RABL2B: variants seen among roughly 807,000 people sequenced by gnomAD.
RABL2B encodes rab-like protein 2B.
Under a neutral mutation model 26.7 loss-of-function variants are expected in RABL2B, and 17 were observed. The ratio of observed to expected loss-of-function variants is 0.64; its 90% CI spans 0.44 to 0.95. The LOEUF (loss-of-function observed/expected upper bound fraction) is 0.95, where lower values mean the gene tolerates loss of function less well. Among genes scored for constraint, RABL2B ranks in the 40% least tolerant of loss-of-function variants. RABL2B has a pLI of 0.00. For missense variants in RABL2B, 170 were observed against 277.2 expected (o/e 0.61, Z 2.75); for synonymous variants, 70 against 103.9 (o/e 0.67, Z 1.99).
At chr22:50,778,648 C>T (rs1357474393) in intron 2 of RABL2B, among the ~76,000 whole-genome samples, 3 of 151,186 alleles carry the variant, frequency 2.0e-5, no homozygotes, top group Admixed American at 6.6e-5. Context: ...TTTCTTTTCT[C>T]TCCCTCTGTT....
chr22:50,782,516 T>C (rs2086056373), intron 1 of RABL2B, among the ~76,000 whole-genome samples, 169 bp from the exon 2 acceptor site: 1 of 152,228 alleles, frequency 6.6e-6, no homozygotes. Flanking sequence ...ATCAATAATA[T>C]GTTATACACA....
At chr22:50,779,958 G>T (rs2085546157) in intron 2 of RABL2B, among the ~76,000 whole-genome samples, 1 of 152,156 alleles carries the variant, frequency 6.6e-6, no homozygotes, top group Admixed American at 6.5e-5. Context: ...TGCAGCCTGG[G>T]TGACAGAGCA....
intron 3 of RABL2B, among the ~76,000 whole-genome samples, chr22:50,777,146 A>G (rs1471518676): frequency 1.2e-4 from 18 of 152,260 alleles, no homozygotes; most frequent in African/African-American, 3.9e-4. Flanking sequence ...TTCCAGGGAC[A>G]AAAGCTCCCA....
In RABL2B at chr22:50,769,455, C is replaced by T; in HGVS notation, c.507G>A (p.Lys169=). The T allele has an allele frequency of 1.2e-6, 2 of 1,612,082 alleles. No individual in the cohort carries two copies. The highest frequency in any genetic ancestry group is 1.7e-6 in the Non-Finnish European group (2 of 1,179,074). ...TAGCTACCTCTGCAGTCAACCACAC[C>T]TTCACAACATTGGTACCATCAGCAG... ...VSAADGTNVV[K]LFNDAIRLAV... The change falls in exon 7 of 9, where the codon AAG becomes AAA. Residue 169 remains lysine, a splice_region_variant and synonymous_variant. Transcript: ENST00000691320.
At chr22:50,777,483 G>A (rs1411055836) in intron 3 of RABL2B, among the ~76,000 whole-genome samples, 3 of 141,892 alleles carry the variant, frequency 2.1e-5, no homozygotes, top group East Asian at 2.0e-4. Context: ...CAGTTGCGGG[G>A]AGGAACTCAC....
At chr22:50,780,968 A>T (rs1212148644) in intron 2 of RABL2B, among the ~76,000 whole-genome samples, 1 of 152,128 alleles carries the variant, frequency 6.6e-6, no homozygotes, top group Non-Finnish European at 1.5e-5. Context: ...TTTATTGGGT[A>T]ACCTTCCCAA....
chr22:50,772,848 T>A, intron 5 of RABL2B: 1 of 1,182,112 alleles, frequency 8.5e-7, no homozygotes, highest in South Asian at 1.7e-5. Context: ...TTTTGAGAGC[T>A]GAGGAGGAGC....
chr22:50,776,065 G>A (rs1381422653), intron 4 of RABL2B, among the ~76,000 whole-genome samples: 2 of 152,162 alleles, frequency 1.3e-5, no homozygotes, highest in Non-Finnish European at 2.9e-5. Flanking sequence ...GTGTGTATGG[G>A]AAGACAGTGG....
At chr22:50,779,127 C>G (rs1374959286) in intron 2 of RABL2B, among the ~76,000 whole-genome samples, 2 of 150,614 alleles carry the variant, frequency 1.3e-5, no homozygotes, top group Non-Finnish European at 2.9e-5. Context: ...CTTGCCTCAT[C>G]CAAGCAGAAG....
chr22:50,780,712 G>C (rs2085692518), intron 2 of RABL2B: 1 of 470,714 alleles, frequency 2.1e-6, no homozygotes. Flanking sequence ...TTTTCTAATT[G>C]TTGTGTCTGT....
In RABL2B at chr22:50,769,517, C is replaced by T. The variant is rs782235529; in HGVS notation, c.445G>A (p.Ala149Thr). The T allele has an allele frequency of 5.6e-6, 9 of 1,612,900 alleles. No homozygotes were observed. The South Asian group carries it at 7.7e-5, about 14-fold the overall frequency. ...INVTQKSFNF[A>T]KKFSLPLYFV... ...TACAGGGGCAGGGAGAACTTCTTGGCAAAATTGAAGCTTTTTTGGGTCACG... is the reference window on the plus strand; with the variant it reads ...TACAGGGGCAGGGAGAACTTCTTGGTAAAATTGAAGCTTTTTTGGGTCACG... Residue 149 changes from alanine to threonine, a missense_variant, in exon 7 of 9, where the codon GCC (alanine) becomes ACC (threonine). This residue lies in a region of RABL2B where 165 missense variants were observed against 232.0 expected (regional missense o/e 0.71). Transcript: ENST00000691320.
At chr22:50,774,251 G>A (rs1555921596) in intron 5 of RABL2B, among the ~76,000 whole-genome samples, 1 of 152,020 alleles carries the variant, frequency 6.6e-6, no homozygotes, top group East Asian at 1.9e-4. Flanking sequence ...CATCCCATGT[G>A]TTCTTTTAAC....
At chr22:50,777,203 T>C (rs2085124203) in intron 3 of RABL2B, among the ~76,000 whole-genome samples, 1 of 152,200 alleles carries the variant, frequency 6.6e-6, no homozygotes, top group African/African-American at 2.4e-5. Flanking sequence ...AGTCTGTCTA[T>C]GTGTGAAACC....
chr22:50,769,923 C>G lies in RABL2B; in HGVS notation c.391G>C (p.Val131Leu). The change falls in exon 6 of 9, where the codon GTG becomes CTG. Residue 131 changes from valine to leucine, a missense_variant. Around this residue, in one of 2 missense-constraint regions of RABL2B, gnomAD observed 165 missense variants for 232.0 expected, o/e 0.71. Transcript: ENST00000691320. ...GCCCCACCATCAATTTTATTGGCCA[C>G]CACGATGCATGGGATCTCTGGCCTG... is the stretch of plus-strand genomic sequence containing the variant. Reference protein sequence around the residue: ...EFRPEIPCIVVANKIDADINV... With the variant: ...EFRPEIPCIVLANKIDADINV... 2 of 1,613,574 alleles carry G rather than the reference C, an allele frequency of 1.2e-6. No homozygotes were observed. The highest frequency in any genetic ancestry group is 1.7e-6 in the Non-Finnish European group (2 of 1,179,788).
chr22:50,777,020 T>G (rs1384471901), intron 3 of RABL2B, among the ~76,000 whole-genome samples: 2 of 152,250 alleles, frequency 1.3e-5, no homozygotes, highest in Admixed American at 1.3e-4. Context: ...TACAGACAAG[T>G]GTCATAAAAG....
chr22:50,772,031 G>A (rs2084267798), intron 5 of RABL2B: 1 of 152,044 alleles, frequency 6.6e-6, no homozygotes, highest in African/African-American at 2.4e-5. Flanking sequence ...TTGAGATGGA[G>A]TCTTGCTCTG....
chr22:50,772,299 G>C (rs1232283636), intron 5 of RABL2B: 15 of 982,662 alleles, frequency 1.5e-5, no homozygotes, highest in Non-Finnish European at 1.7e-5. Flanking sequence ...AAAGTACTGG[G>C]ATTAAAGGCA....
intron 7 of RABL2B, 118 bp downstream of exon 7, chr22:50,769,337 C>T: frequency 6.2e-7 from 1 of 1,608,216 alleles, no homozygotes; most frequent in Non-Finnish European, 8.5e-7. Flanking sequence ...CCCTGCCACC[C>T]ATGCCCATGC....
rs1315674719 is a variant in RABL2B, at chr22:50,768,346, G to T, written c.*430C>A. On this transcript the variant is annotated 3_prime_UTR_variant, in exon 9 of 9. Transcript: ENST00000691320. ...GGGCCTCACAGACTCAGCTGTGGGT[G>T]GGGGGGTAAATCATTACCTCAGGAG... The T allele has an allele frequency of 7.8e-5, 19 of 243,568 alleles. No homozygotes were observed. The highest frequency in any genetic ancestry group is 5.3e-4 in the South Asian group (12 of 22,460). The allele number at this position is 243,568 out of a possible 1,614,324, so 15.1% of individuals were successfully genotyped here.
Sources: allele counts gnomAD v4.1 joint callset (sites outside exome capture counted in the v4.1 genomes callset), GRCh38; gene constraint gnomAD v4.1.1; regional missense constraint gnomAD v4.1.1; transcripts MANE v1.5; gene names NCBI Gene and HGNC (gene_info 2026-07-23, HGNC 2026-07-21).